Variants in COMMD10 observed in about 807,000 individuals in gnomAD.
The protein encoded by COMMD10 is COMM domain-containing protein 10.
Under a neutral mutation model 28.9 loss-of-function variants are expected in COMMD10, and 33 were observed. The observed-to-expected ratio is 1.14, with a 90% CI of 0.87 to 1.53. COMMD10 has a LOEUF of 1.53. Ranked by LOEUF, COMMD10 falls within the 40% of genes most tolerant of loss-of-function variation. The pLI is 0.00. For synonymous variants in COMMD10, 110 were observed against 81.7 expected (o/e 1.35, Z -1.87); for missense variants, 310 against 233.4 (o/e 1.33, Z -2.14).
At chr5:116,254,627 C>T (rs1289050181) in intron 5 of COMMD10, among the ~76,000 whole-genome samples, 1 of 151,658 alleles carries the variant, frequency 6.6e-6, no homozygotes, top group Non-Finnish European at 1.5e-5. Flanking sequence ...ATTCTTAATC[C>T]TGAGTTCTAG....
chr5:116,281,323 G>C (rs564224298), intron 5 of COMMD10, among the ~76,000 whole-genome samples: 32 of 151,612 alleles, frequency 2.1e-4, no homozygotes, highest in Non-Finnish European at 2.9e-5. Context: ...CTATTTCCAT[G>C]GGAATTTTGC....
intron 5 of COMMD10, among the ~76,000 whole-genome samples, chr5:116,242,502 A>C (rs1022344966): frequency 5.3e-5 from 8 of 152,324 alleles, no homozygotes; most frequent in African/African-American, 1.9e-4. Context: ...CTTACAGGAA[A>C]GAGAACTGGG....
intron 5 of COMMD10, among the ~76,000 whole-genome samples, chr5:116,163,113 A>G (rs1752971490): frequency 6.6e-6 from 1 of 151,718 alleles, no homozygotes; most frequent in South Asian, 2.1e-4. Context: ...TAATTATTTT[A>G]CCAGAGTGAG....
Position 116,287,588 on chromosome 5 carries a change from A to T in COMMD10, c.511-3929A>T, listed in dbSNP as rs371912674. On this transcript the variant is annotated intron_variant, in intron 5 of 6. Transcript: ENST00000274458. ...CTGTTTACATTTAAAATAATTACCG[A>T]TAGGCAAGGACTTATTGCCGTTTTG... Among the ~76,000 whole-genome samples, 14 of 151,814 alleles carry T rather than the reference A, an allele frequency of 9.2e-5. No individual in the cohort carries two copies. The East Asian group carries it at 2.5e-3, about 27-fold the overall frequency.
At chr5:116,179,688 GT>G (rs1222336725) in intron 5 of COMMD10, among the ~76,000 whole-genome samples, 2 of 152,138 alleles carry the variant, frequency 1.3e-5, no homozygotes, top group African/African-American at 4.8e-5. Flanking sequence ...AAACCAGGTA[GT>G]TTTTATGGGA....
chr5:116,213,668 C>T (rs1433823391), intron 5 of COMMD10, among the ~76,000 whole-genome samples: 7 of 152,048 alleles, frequency 4.6e-5, no homozygotes, highest in Non-Finnish European at 1.0e-4. Flanking sequence ...CTCATTTCCT[C>T]ACTAATTGCA....
intron 4 of COMMD10, among the ~76,000 whole-genome samples, chr5:116,094,318 C>T (rs1361884899): frequency 6.6e-6 from 1 of 152,172 alleles, no homozygotes; most frequent in Non-Finnish European, 1.5e-5. Context: ...TCAAACATCT[C>T]AACTGCAAAG....
At chr5:116,139,000 A>G (rs918023331) in intron 5 of COMMD10, among the ~76,000 whole-genome samples, 4 of 151,718 alleles carry the variant, frequency 2.6e-5, no homozygotes, top group African/African-American at 9.7e-5. Context: ...TAATATTCCC[A>G]TGTTATACAG....
chr5:116,212,496 CTG>C (rs11268771), intron 5 of COMMD10, among the ~76,000 whole-genome samples: 3 of 63,858 alleles, frequency 4.7e-5, no homozygotes, highest in South Asian at 1.0e-3. Context: ...TACTGAAATG[CTG>C]TGTGTGTGTG....
intron 5 of COMMD10, among the ~76,000 whole-genome samples, chr5:116,136,836 G>A (rs1338093892): frequency 6.6e-6 from 1 of 152,114 alleles, no homozygotes; most frequent in East Asian, 1.9e-4. Flanking sequence ...ATATGCTGAG[G>A]AAGAAGAGGA....
At chr5:116,159,257 C>G (rs566674333) in intron 5 of COMMD10, among the ~76,000 whole-genome samples, 1 of 152,300 alleles carries the variant, frequency 6.6e-6, no homozygotes, top group East Asian at 1.9e-4. Context: ...ACCTTGTTTC[C>G]CAGCCCCTCC....
chr5:116,169,950 A>C (rs915541294), intron 5 of COMMD10, among the ~76,000 whole-genome samples: 7 of 152,090 alleles, frequency 4.6e-5, no homozygotes, highest in Non-Finnish European at 8.8e-5. Flanking sequence ...GCCCTCTCTC[A>C]CCACCCCTAT....
chr5:116,233,968 T>C (rs964586770), intron 5 of COMMD10, among the ~76,000 whole-genome samples: 2 of 152,148 alleles, frequency 1.3e-5, no homozygotes, highest in African/African-American at 4.8e-5. Flanking sequence ...AGGTGAAGTT[T>C]TTACATTAAC....
intron 5 of COMMD10, among the ~76,000 whole-genome samples, chr5:116,218,751 G>A (rs1749168461): frequency 6.6e-6 from 1 of 152,136 alleles, no homozygotes; most frequent in Admixed American, 6.5e-5. Flanking sequence ...TTTAGGGACA[G>A]TCCTGAATAG....
rs140093333 is a variant in COMMD10, at chr5:116,141,509, A to G, written c.510+7331A>G. ...ATATATTGCTATGGGTAGTATGGAC[A>G]TTTTAACAATGTTAATTCTTCCAAT... is the stretch of plus-strand genomic sequence containing the variant. On this transcript the variant is annotated intron_variant, in intron 5 of 6. Coordinates refer to ENST00000274458, the MANE Select transcript of COMMD10 (RefSeq NM_016144.4). Among the ~76,000 whole-genome samples the G allele has an allele frequency of 2.5e-4, 38 of 152,022 alleles. No homozygotes were observed. In the East Asian group the frequency reaches 7.0e-3, roughly 28 times the overall value.
intron 4 of COMMD10, among the ~76,000 whole-genome samples, chr5:116,099,492 T>C (rs908376023): frequency 3.9e-5 from 6 of 152,172 alleles, no homozygotes; most frequent in African/African-American, 1.4e-4. Context: ...ATGATAGTTT[T>C]ATTTTTAATG....
chr5:116,184,924 G>A (rs183342035), intron 5 of COMMD10, among the ~76,000 whole-genome samples: 8 of 152,044 alleles, frequency 5.3e-5, no homozygotes, highest in Admixed American at 1.3e-4. Context: ...TGTGACTTTA[G>A]GCAAGTTACT....
At chr5:116,087,657 G>C (rs1750151683) in intron 2 of COMMD10, 70 bp downstream of exon 2, 1 of 1,113,518 alleles carries the variant, frequency 9.0e-7, no homozygotes, top group Admixed American at 1.7e-5. Flanking sequence ...ATTATTTGGA[G>C]AACTTTTTGC....
intron 5 of COMMD10, among the ~76,000 whole-genome samples, chr5:116,244,676 A>AAAAAAAAAAAAAAAAAAAAAAAAAT (rs1749896814): frequency 6.6e-6 from 1 of 150,716 alleles, no homozygotes; most frequent in Non-Finnish European, 1.5e-5. Context: ...AAAAAAAAAA[A>AAAAAAAAAAAAAAAAAAAAAAAAAT]AAGAAAACAG....
Sources: allele counts gnomAD v4.1 joint callset (sites outside exome capture counted in the v4.1 genomes callset), GRCh38; gene constraint gnomAD v4.1.1; transcripts MANE v1.5; gene names NCBI Gene and HGNC (gene_info 2026-07-23, HGNC 2026-07-21).